Variants in SYK observed in about 807,000 individuals in gnomAD.
The protein encoded by SYK is tyrosine-protein kinase SYK.
In SYK, 16 loss-of-function variants were observed where a neutral mutation model predicts 77.8. The observed-to-expected ratio is 0.21, with a 90% confidence interval of 0.14 to 0.31. The LOEUF is 0.31. Among genes scored for constraint, SYK ranks in the 10% least tolerant of loss-of-function variants. The pLI, the probability that SYK is intolerant of heterozygous loss-of-function variation, is 1.00. For synonymous variants in SYK, 312 were observed against 308.7 expected, an observed-to-expected ratio of 1.01 and a Z score of -0.11; for missense variants, 529 against 814.4, an observed-to-expected ratio of 0.65 and a Z score of 4.26.
intron 1 of SYK, among the ~76,000 whole-genome samples, chr9:90,821,607 CA>C (rs1554705653): frequency 6.6e-6 from 1 of 152,176 alleles, no homozygotes; most frequent in Non-Finnish European, 1.5e-5. Flanking sequence ...AGATACAATT[CA>C]AGTTGAGATT....
At chr9:90,834,932 C>T (rs1320273648) in intron 1 of SYK, among the ~76,000 whole-genome samples, 1 of 152,200 alleles carries the variant, frequency 6.6e-6, no homozygotes, top group Non-Finnish European at 1.5e-5. Context: ...GGTTTCCAGT[C>T]AGGGGTAAGT....
At chr9:90,830,680 G>T (rs1825854395) in intron 1 of SYK, among the ~76,000 whole-genome samples, 2 of 150,558 alleles carry the variant, frequency 1.3e-5, no homozygotes, top group Admixed American at 6.7e-5. Context: ...CCGCCTCCCA[G>T]GTTCATGCCA....
At chr9:90,862,073 C>A in intron 3 of SYK, 133 bp from the exon 4 acceptor site, 1 of 1,184,856 alleles carries the variant, frequency 8.4e-7, no homozygotes, top group Non-Finnish European at 1.1e-6. Context: ...CCAAACTCTG[C>A]CCTCCAGCTG....
At chr9:90,863,673 T>C (rs1309541968) in intron 4 of SYK, among the ~76,000 whole-genome samples, 3 of 152,238 alleles carry the variant, frequency 2.0e-5, no homozygotes, top group Non-Finnish European at 4.4e-5. Context: ...TTAACCTTTC[T>C]ACACTCAAAG....
chr9:90,804,504 CT>C (rs1660617958), intron 1 of SYK, among the ~76,000 whole-genome samples: 1 of 152,200 alleles, frequency 6.6e-6, no homozygotes, highest in African/African-American at 2.4e-5. Context: ...TTTTTTCCAG[CT>C]ACCCCCTGAC....
At chr9:90,842,563 G>C (rs1480497779) in intron 1 of SYK, among the ~76,000 whole-genome samples, 1 of 151,244 alleles carries the variant, frequency 6.6e-6, no homozygotes, top group Non-Finnish European at 1.5e-5. Flanking sequence ...TGTCTGTTTT[G>C]TGTGTGTAGC....
chr9:90,850,241 G>A (rs551407302), intron 3 of SYK, among the ~76,000 whole-genome samples: 21 of 152,316 alleles, frequency 1.4e-4, no homozygotes, highest in African/African-American at 3.4e-4. Flanking sequence ...TATTTCGGCC[G>A]GGCATGGTGG....
chr9:90,874,715 G>C lies in SYK; in HGVS notation c.1047G>C (p.Glu349Asp). The C allele has an allele frequency of 1.2e-6, 2 of 1,614,118 alleles. No homozygotes were observed. Among genetic ancestry groups the C allele is most frequent in the Non-Finnish European group, 1.7e-6 (2 of 1,180,010 alleles). ...EALPMDTEVY[E>D]SPYADPEEIR... ...TACCCATGGACACAGAGGTGTACGAGAGCCCCTACGCGGACCCCGAGGAGA... is the reference window on the plus strand; with the variant it reads ...TACCCATGGACACAGAGGTGTACGACAGCCCCTACGCGGACCCCGAGGAGA... The change falls in exon 9 of 14, where the codon GAG (glutamate) becomes GAC (aspartate). Residue 349 changes from glutamate (E) to aspartate (D), a missense_variant. Physicochemically the swap from Glu to Asp is conservative, Grantham distance 45. Around this residue, in one of 2 missense-constraint regions of SYK, gnomAD observed 208 missense variants for 381.3 expected, o/e 0.55. Coordinates refer to ENST00000375754, the MANE Select transcript of SYK (RefSeq NM_003177.7).
At chr9:90,835,151 T>C (rs531350977) in intron 1 of SYK, among the ~76,000 whole-genome samples, 1 of 152,278 alleles carries the variant, frequency 6.6e-6, no homozygotes, top group Admixed American at 6.5e-5. Context: ...CCCGAGCTAA[T>C]GTGATGAATG....
Position 90,878,958 on chromosome 9 carries a change from G to A in SYK, c.1581+5G>A, listed in dbSNP as rs1336426471. ...GCTGATGAAAACTACTACAAGGTAA[G>A]TACAACTTAGCTAATATTCAGAGCA... On this transcript the variant is annotated splice_donor_5th_base_variant and intron_variant, in intron 11 of 13. Transcript: ENST00000375754. 6.3e-7 allele frequency: 1 copy of A among 1,593,086 alleles called. No individual in the cohort carries two copies. Among genetic ancestry groups the A allele is most frequent in the African/African-American group, 1.3e-5 (1 of 74,766 alleles).
chr9:90,856,268 A>G (rs1827032868), intron 3 of SYK, among the ~76,000 whole-genome samples: 1 of 151,894 alleles, frequency 6.6e-6, no homozygotes, highest in Non-Finnish European at 1.5e-5. Context: ...AATGGTTCTC[A>G]TGTCTCTGTG....
chr9:90,898,059 A>G lies in SYK; in HGVS notation c.*2459A>G, dbSNP rs201342619. 3 of 228,098 alleles carry G rather than the reference A, an allele frequency of 1.3e-5. No individual in the cohort carries two copies. Among genetic ancestry groups the G allele is most frequent in the Non-Finnish European group, 2.6e-5 (3 of 114,924 alleles). 14.1% of individuals were successfully genotyped at this position (228,098 alleles called of 1,614,324 possible). ...GCTGCCCCTTGGATTGTTCTACCCA[A>G]GCTTTTCCCTGGGGTCTGGGCTCAC... On this transcript the variant is annotated 3_prime_UTR_variant, in exon 14 of 14. Coordinates refer to ENST00000375754, the MANE Select transcript of SYK (RefSeq NM_003177.7).
chr9:90,873,052 G>T (rs1429049240), intron 7 of SYK, among the ~76,000 whole-genome samples: 4 of 152,200 alleles, frequency 2.6e-5, no homozygotes, highest in South Asian at 4.1e-4. Flanking sequence ...CCTCTGAAGT[G>T]CTCAGCAGAC....
intron 11 of SYK, among the ~76,000 whole-genome samples, chr9:90,883,242 C>A (rs190084991): frequency 6.6e-6 from 1 of 152,126 alleles, no homozygotes; most frequent in East Asian, 1.9e-4. Flanking sequence ...GCAAATCACA[C>A]CCCCTATAGC....
At chr9:90,874,633 G>A in intron 8 of SYK, 39 bp from the exon 9 acceptor site, 1 of 1,581,890 alleles carries the variant, frequency 6.3e-7, no homozygotes, top group Non-Finnish European at 8.6e-7. Flanking sequence ...CTGGTGTGGG[G>A]TCCAGCCCCA....
In SYK at chr9:90,864,671, A is replaced by G; in HGVS notation, c.796+4A>G. The G allele has an allele frequency of 6.2e-7, 1 of 1,613,008 alleles. No homozygotes were observed. Reference sequence around the variant, plus strand: ...TGTCAAAAAATCGGCACACAGGGTGAGTTCCCAAGACACTGGAGTCTCAGT... The same window carrying G: ...TGTCAAAAAATCGGCACACAGGGTGGGTTCCCAAGACACTGGAGTCTCAGT... On this transcript the variant is annotated splice_donor_region_variant and intron_variant, in intron 5 of 13. Transcript: ENST00000375754.
intron 3 of SYK, among the ~76,000 whole-genome samples, chr9:90,849,260 G>A (rs939866754): frequency 2.0e-5 from 3 of 152,264 alleles, no homozygotes; most frequent in Admixed American, 6.5e-5. Context: ...TTTTTTTATC[G>A]TGATTTCAGG....
chr9:90,834,395 C>T (rs1301138217), intron 1 of SYK, among the ~76,000 whole-genome samples: 2 of 152,194 alleles, frequency 1.3e-5, no homozygotes, highest in Non-Finnish European at 2.9e-5. Flanking sequence ...CTTTGGTATA[C>T]TGTCATCCCC....
At chr9:90,830,450 T>C (rs978659696) in intron 1 of SYK, among the ~76,000 whole-genome samples, 1 of 152,236 alleles carries the variant, frequency 6.6e-6, no homozygotes, top group African/African-American at 2.4e-5. Context: ...AACATGCTTG[T>C]TTGCAGAGCC....
Sources: gnomAD v4.1 joint callset for allele counts (sites outside exome capture counted in the v4.1 genomes callset) on GRCh38, gnomAD v4.1.1 for gene constraint, gnomAD v4.1.1 regional missense constraint, MANE v1.5 for transcripts, NCBI Gene and HGNC (gene_info 2026-07-23, HGNC 2026-07-21) for gene names.